PACRG: variants seen among roughly 807,000 people sequenced by gnomAD.
The protein encoded by PACRG is parkin coregulated.
A neutral mutation model predicts 29.7 loss-of-function variants in PACRG; 29 were observed. The ratio of observed to expected loss-of-function variants is 0.98; its 90% CI spans 0.73 to 1.33. The LOEUF (loss-of-function observed/expected upper bound fraction) is 1.33. Among genes scored for constraint, PACRG ranks in the 40% most tolerant of loss-of-function variants. The pLI, the probability that PACRG is intolerant of heterozygous loss-of-function variation, is 0.00. For missense variants in PACRG, 279 were observed against 316.2 expected (o/e 0.88, Z 0.89); for synonymous variants, 116 against 118.7 (o/e 0.98, Z 0.15).
At chr6:162,871,657 G>A (rs1046657132) in intron 2 of PACRG, among the ~76,000 whole-genome samples, 1 of 151,500 alleles carries the variant, frequency 6.6e-6, no homozygotes, top group Admixed American at 6.6e-5. Flanking sequence ...GGTGGCTCAC[G>A]CCTGTAATCC....
At chr6:163,042,669 A>G (rs1330490739) in intron 2 of PACRG, 1 of 149,976 alleles carries the variant, frequency 6.7e-6, no homozygotes, top group African/African-American at 2.5e-5. Context: ...TAAAAGGTCT[A>G]AATAACTTGA....
chr6:163,262,662 A>G (rs748353976), intron 4 of PACRG, among the ~76,000 whole-genome samples: 7 of 151,950 alleles, frequency 4.6e-5, no homozygotes, highest in Admixed American at 1.3e-4. Context: ...TTCACTACAG[A>G]CTTGCCCCAT....
At chr6:163,173,086 T>A (rs1036602907) in intron 4 of PACRG, among the ~76,000 whole-genome samples, 16 of 152,152 alleles carry the variant, frequency 1.1e-4, no homozygotes, top group Admixed American at 2.6e-4. Context: ...CTTAGTTGTG[T>A]AAAAATATGT....
intron 4 of PACRG, among the ~76,000 whole-genome samples, chr6:163,147,807 G>C (rs1311661138): frequency 6.6e-6 from 1 of 152,030 alleles, no homozygotes; most frequent in African/African-American, 2.4e-5. Flanking sequence ...TCCCAGCCAC[G>C]CTTCACATCT....
intron 1 of PACRG, among the ~76,000 whole-genome samples, chr6:162,785,191 A>T (rs865957950): frequency 4.1e-4 from 60 of 145,426 alleles, no homozygotes; most frequent in Admixed American, 1.3e-3. Flanking sequence ...AGAGAGAGAG[A>T]GAGAGAGAGA....
At chr6:163,028,197 T>C (rs1027188014) in intron 2 of PACRG, among the ~76,000 whole-genome samples, 1 of 152,204 alleles carries the variant, frequency 6.6e-6, no homozygotes, top group Non-Finnish European at 1.5e-5. Context: ...CAGGAAATTA[T>C]AAGTATAAAA....
At chr6:163,163,308 G>T (rs1778645072) in intron 4 of PACRG, among the ~76,000 whole-genome samples, 1 of 152,128 alleles carries the variant, frequency 6.6e-6, no homozygotes, top group African/African-American at 2.4e-5. Context: ...GTCTCACTCT[G>T]TCACTCAGGC....
chr6:163,139,549 G>A (rs2128333721), intron 4 of PACRG, among the ~76,000 whole-genome samples: 1 of 152,140 alleles, frequency 6.6e-6, no homozygotes, highest in Non-Finnish European at 1.5e-5. Flanking sequence ...AGAGGAGACA[G>A]TTGACATAAA....
chr6:163,030,249 G>C, intron 2 of PACRG, among the ~76,000 whole-genome samples: 1 of 152,140 alleles, frequency 6.6e-6, no homozygotes, highest in East Asian at 1.9e-4. Flanking sequence ...CTCACCTTGT[G>C]GATGAGCATG....
At chr6:163,045,412 A>C (rs1585078713) in intron 2 of PACRG, among the ~76,000 whole-genome samples, 1 of 152,132 alleles carries the variant, frequency 6.6e-6, no homozygotes, top group Middle Eastern at 3.2e-3. Context: ...TATTTGAGTT[A>C]CCTGCCTCAT....
intron 4 of PACRG, among the ~76,000 whole-genome samples, chr6:163,102,649 T>C (rs1815164318): frequency 6.6e-6 from 1 of 152,228 alleles, no homozygotes; most frequent in African/African-American, 2.4e-5. Context: ...TATGTATATC[T>C]TGCTTATAAA....
At chr6:163,238,073 C>G (rs921734598) in intron 4 of PACRG, among the ~76,000 whole-genome samples, 2 of 152,016 alleles carry the variant, frequency 1.3e-5, no homozygotes, top group African/African-American at 2.4e-5. Flanking sequence ...GTTGCCAAAC[C>G]CTTTTAGTAA....
intron 3 of PACRG, among the ~76,000 whole-genome samples, chr6:163,085,655 A>C (rs113008300): frequency 0.014 from 2,208 of 152,286 alleles, 47 homozygotes; most frequent in African/African-American, 0.05. Context: ...GCTAGTCCCT[A>C]GCGCGCTGCT....
chr6:162,819,770 C>A (rs1787682869), intron 2 of PACRG, among the ~76,000 whole-genome samples: 1 of 152,154 alleles, frequency 6.6e-6, no homozygotes, highest in Non-Finnish European at 1.5e-5. Context: ...TAAGTGACAA[C>A]AATATACCAG....
chr6:163,011,469 AG>A (rs1396729443), intron 2 of PACRG, among the ~76,000 whole-genome samples: 9 of 152,230 alleles, frequency 5.9e-5, no homozygotes, highest in African/African-American at 1.9e-4. Context: ...ACACCTATAT[AG>A]GGCATTTGCC....
rs961858475 is a variant in PACRG at position 163,062,719 on chromosome 6, T to C, written c.463+398T>C. Among the ~76,000 whole-genome samples, 5 of 152,214 alleles carry C rather than the reference T, an allele frequency of 3.3e-5. No homozygotes were observed. The East Asian group carries it at 9.6e-4, about 29-fold the overall frequency. On this transcript the variant is annotated intron_variant, in intron 3 of 4. Transcript: ENST00000366888. Reference sequence around the variant, plus strand: ...AGTATATTTGAGGTAGTACCATTCATAATTTTAAGGAAGGGAAGCCCAGCT... The same window carrying C: ...AGTATATTTGAGGTAGTACCATTCACAATTTTAAGGAAGGGAAGCCCAGCT...
intron 3 of PACRG, among the ~76,000 whole-genome samples, chr6:163,087,707 G>C (rs944898359): frequency 6.6e-6 from 1 of 151,474 alleles, no homozygotes; most frequent in Non-Finnish European, 1.5e-5. Flanking sequence ...GGTGAGGATG[G>C]AAACCAGGAC....
At chr6:163,147,187 C>A (rs916804714) in intron 4 of PACRG, among the ~76,000 whole-genome samples, 4 of 152,158 alleles carry the variant, frequency 2.6e-5, no homozygotes, top group African/African-American at 9.7e-5. Flanking sequence ...CACATATGAT[C>A]CACACAGTTC....
intron 2 of PACRG, among the ~76,000 whole-genome samples, chr6:163,022,839 C>T (rs1806763447): frequency 6.6e-6 from 1 of 152,126 alleles, no homozygotes; most frequent in Non-Finnish European, 1.5e-5. Flanking sequence ...AAATAATTTC[C>T]TGCTTCTCTT....
Sources: gnomAD v4.1 joint callset for allele counts (sites outside exome capture counted in the v4.1 genomes callset) on GRCh38, gnomAD v4.1.1 for gene constraint, MANE v1.5 for transcripts, NCBI Gene and HGNC (gene_info 2026-07-23, HGNC 2026-07-21) for gene names.